NRXN3: variants seen among roughly 807,000 people sequenced by gnomAD.
NRXN3 encodes neurexin 3.
In NRXN3, 32 loss-of-function variants were observed where a neutral mutation model predicts 137.6. The ratio of observed to expected loss-of-function variants is 0.23; its 90% CI spans 0.18 to 0.31. The LOEUF is 0.31. Ranked by LOEUF, NRXN3 falls within the 10% of genes least tolerant of loss-of-function variation. The pLI, the probability that NRXN3 is intolerant of heterozygous loss-of-function variation, is 1.00. For missense variants in NRXN3, 1,574 were observed against 2,062.5 expected (o/e 0.76, Z 4.59); for synonymous variants, 798 against 784.5 (o/e 1.02, Z -0.29).
chr14:78,869,470 C>G (rs1014961738), intron 10 of NRXN3, among the ~76,000 whole-genome samples: 2 of 152,136 alleles, frequency 1.3e-5, no homozygotes, highest in Non-Finnish European at 2.9e-5. Context: ...AAGATCTAAA[C>G]TTATGTTTCT....
At chr14:78,326,835 A>G (rs569475833) in intron 4 of NRXN3, among the ~76,000 whole-genome samples, 7 of 151,874 alleles carry the variant, frequency 4.6e-5, no homozygotes, top group Non-Finnish European at 8.8e-5. Flanking sequence ...GGAGACATGC[A>G]GTGTGTGTAA....
At chr14:78,483,769 G>A (rs1401150321) in intron 4 of NRXN3, among the ~76,000 whole-genome samples, 1 of 152,122 alleles carries the variant, frequency 6.6e-6, no homozygotes, top group Admixed American at 6.6e-5. Context: ...TTTTTAAAAA[G>A]ACCCTAGAGT....
At chr14:78,251,248 C>T (rs1040880280) in intron 2 of NRXN3, among the ~76,000 whole-genome samples, 1 of 152,196 alleles carries the variant, frequency 6.6e-6, no homozygotes, top group African/African-American at 2.4e-5. Flanking sequence ...TCCTAACTTT[C>T]CTGCCTTCAG....
At chr14:78,223,824 T>C (rs1035221335) in intron 1 of NRXN3, among the ~76,000 whole-genome samples, 1 of 152,204 alleles carries the variant, frequency 6.6e-6, no homozygotes, top group Non-Finnish European at 1.5e-5. Context: ...AGGTAAGGTA[T>C]GGAGTCTAGA....
At chr14:79,071,216 AT>A (rs11407318) in intron 15 of NRXN3, among the ~76,000 whole-genome samples, 5 of 151,396 alleles carry the variant, frequency 3.3e-5, no homozygotes, top group Admixed American at 3.3e-4. Context: ...GAAGAAACAC[AT>A]TTTTTTTAAT....
intron 4 of NRXN3, among the ~76,000 whole-genome samples, chr14:78,534,801 T>C (rs186069902): frequency 6.6e-6 from 1 of 152,226 alleles, no homozygotes; most frequent in African/African-American, 2.4e-5. Flanking sequence ...TTCTCCTTTT[T>C]TCTTTTCATT....
At chr14:78,705,331 G>T (rs2098335417) in intron 6 of NRXN3, among the ~76,000 whole-genome samples, 1 of 152,168 alleles carries the variant, frequency 6.6e-6, no homozygotes, top group Admixed American at 6.5e-5. Context: ...GTCCAGCAGG[G>T]TTTCCTGCCT....
intron 15 of NRXN3, among the ~76,000 whole-genome samples, chr14:79,466,749 C>T (rs1384596397): frequency 1.3e-5 from 2 of 152,084 alleles, no homozygotes; most frequent in Non-Finnish European, 2.9e-5. Context: ...AGACATGATG[C>T]CTTTGGACTG....
intron 4 of NRXN3, among the ~76,000 whole-genome samples, chr14:78,449,682 G>T (rs542768885): frequency 1.3e-5 from 2 of 152,266 alleles, no homozygotes. Context: ...TATCTCCATT[G>T]TACAGATGAA....
At chr14:79,392,359 G>GTA (rs1377504399) in intron 15 of NRXN3, among the ~76,000 whole-genome samples, 1 of 152,298 alleles carries the variant, frequency 6.6e-6, no homozygotes, top group East Asian at 1.9e-4. Context: ...ATTCCATGGT[G>GTA]TATATACCAC....
At chr14:79,467,727 C>T (rs1391439493) in intron 16 of NRXN3, among the ~76,000 whole-genome samples, 2 of 150,288 alleles carry the variant, frequency 1.3e-5, no homozygotes, top group Non-Finnish European at 3.0e-5. Context: ...TGGATCTTAC[C>T]TGGTGCAAGC....
chr14:78,644,797 C>T (rs886442922), intron 4 of NRXN3, among the ~76,000 whole-genome samples: 2 of 152,246 alleles, frequency 1.3e-5, no homozygotes, highest in African/African-American at 4.8e-5. Context: ...GCAAAAGCAA[C>T]TCGAGCCTCA....
chr14:79,313,964 T>C (rs1425804738), intron 15 of NRXN3: 1 of 149,254 alleles, frequency 6.7e-6, no homozygotes, highest in Non-Finnish European at 1.5e-5. Context: ...TCCAGCTTTG[T>C]TCTGTTGCTG....
intron 15 of NRXN3, among the ~76,000 whole-genome samples, chr14:79,454,518 A>G (rs1197522399): frequency 2.0e-5 from 3 of 152,206 alleles, no homozygotes; most frequent in East Asian, 1.9e-4. Flanking sequence ...GCCCAGCCCA[A>G]TCATATATTC....
intron 15 of NRXN3, among the ~76,000 whole-genome samples, chr14:79,050,322 G>A (rs1308035613): frequency 6.6e-6 from 1 of 152,176 alleles, no homozygotes; most frequent in African/African-American, 2.4e-5. Flanking sequence ...GTGAAAAAGA[G>A]AGGTGGTGGC....
At chr14:78,222,533 G>T (rs1046394909) in intron 1 of NRXN3, among the ~76,000 whole-genome samples, 2 of 152,240 alleles carry the variant, frequency 1.3e-5, no homozygotes, top group African/African-American at 4.8e-5. Flanking sequence ...TTTAGGGGGA[G>T]GTGGTCACAG....
chr14:79,784,933 AT>A (rs1221219187), intron 19 of NRXN3, among the ~76,000 whole-genome samples: 1 of 152,098 alleles, frequency 6.6e-6, no homozygotes, highest in East Asian at 1.9e-4. Context: ...TAAACATTTC[AT>A]TCAGTTGCAA....
intron 4 of NRXN3, among the ~76,000 whole-genome samples, chr14:78,457,439 G>T (rs1006103183): frequency 3.9e-5 from 6 of 152,198 alleles, no homozygotes; most frequent in Admixed American, 3.9e-4. Flanking sequence ...TGATAGAGGA[G>T]AGGGTGACAG....
intron 4 of NRXN3, among the ~76,000 whole-genome samples, chr14:78,515,427 CA>C (rs1489832927): frequency 6.6e-6 from 1 of 152,058 alleles, no homozygotes; most frequent in Non-Finnish European, 1.5e-5. Flanking sequence ...ATCCAGGACT[CA>C]GAGCTAGGGA....
Sources: gnomAD v4.1 joint callset for allele counts (sites outside exome capture counted in the v4.1 genomes callset) on GRCh38, gnomAD v4.1.1 for gene constraint, MANE v1.5 for transcripts, NCBI Gene and HGNC (gene_info 2026-07-23, HGNC 2026-07-21) for gene names.